ENAH: variants seen among roughly 807,000 people sequenced by gnomAD.
ENAH encodes ENAH actin regulator, also known as protein enabled homolog.
ENAH carries 23 observed loss-of-function variants against 78.7 expected under a neutral mutation model. The observed-to-expected ratio is 0.29, with a 90% confidence interval of 0.21 to 0.41. The LOEUF is 0.41. ENAH is among the 10% of genes least tolerant of loss of function. The probability of loss-of-function intolerance (pLI) is 1.00; values close to 1 mark genes in which losing one functional copy is unlikely to be tolerated. For synonymous variants in ENAH, 226 were observed against 241.0 expected (o/e 0.94, Z 0.58); for missense variants, 544 against 691.0 (o/e 0.79, Z 2.39).
chr1:225,518,929 T>C (rs1410125560), intron 5 of ENAH: 7 of 468,468 alleles, frequency 1.5e-5, no homozygotes, highest in Non-Finnish European at 2.2e-5. Flanking sequence ...ACTTACACTT[T>C]ATAGCCATTT....
chr1:225,596,904 T>G (rs1383517899), intron 1 of ENAH, among the ~76,000 whole-genome samples: 6 of 152,166 alleles, frequency 3.9e-5, no homozygotes, highest in African/African-American at 1.4e-4. Flanking sequence ...CAAATGAAAA[T>G]TAAAACATCT....
At position 225,487,405 on chromosome 1, in the gene ENAH, T is replaced by C. The variant is rs2096204982; in HGVS notation, c.*10370A>G. 3 of 152,204 alleles carry C rather than the reference T, an allele frequency of 2.0e-5. No homozygotes were observed. Among genetic ancestry groups the C allele is most frequent in the Non-Finnish European group, 1.5e-5 (1 of 68,040 alleles). The allele number at this position is 152,204 out of a possible 1,614,324, so 9.4% of individuals were successfully genotyped here. ...AAGCTTAGAAGATGTTTCCTGACAA[T>C]GAGATCCTGTTTAATTCAGATTTTC... On this transcript the variant is annotated 3_prime_UTR_variant, in exon 14 of 14. Coordinates refer to ENST00000366843, the MANE Select transcript of ENAH (RefSeq NM_018212.6).
intron 1 of ENAH, among the ~76,000 whole-genome samples, chr1:225,604,967 C>T (rs1256003559): frequency 6.6e-6 from 1 of 152,126 alleles, no homozygotes; most frequent in Non-Finnish European, 1.5e-5. Flanking sequence ...AAAGGGCATC[C>T]TCATACCTTG....
chr1:225,624,790 C>A (rs566029312), intron 1 of ENAH, among the ~76,000 whole-genome samples: 7 of 152,200 alleles, frequency 4.6e-5, no homozygotes, highest in Admixed American at 1.3e-4. Flanking sequence ...GATGAAGAAG[C>A]CCAGATTAAG....
At chr1:225,581,137 G>GA (rs1188124896) in intron 1 of ENAH, 58 of 360,712 alleles carry the variant, frequency 1.6e-4, no homozygotes, top group Admixed American at 1.0e-3. Flanking sequence ...AATGGTCACA[G>GA]AAAAAAAAGA....
At chr1:225,585,791 AAAT>A (rs1408558850) in intron 1 of ENAH, among the ~76,000 whole-genome samples, 4 of 152,010 alleles carry the variant, frequency 2.6e-5, no homozygotes, top group Non-Finnish European at 4.4e-5. Flanking sequence ...CCTGTGTAAA[AAAT>A]AATAATAAAT....
chr1:225,522,639 T>G (rs2096478627), intron 4 of ENAH, among the ~76,000 whole-genome samples: 2 of 152,136 alleles, frequency 1.3e-5, no homozygotes, highest in Admixed American at 1.3e-4. Context: ...CAGGGTTGGT[T>G]GTTGTTGTTT....
intron 1 of ENAH, among the ~76,000 whole-genome samples, chr1:225,592,039 C>T (rs2096879743): frequency 1.3e-5 from 2 of 152,116 alleles, no homozygotes; most frequent in Non-Finnish European, 1.5e-5. Flanking sequence ...CCTCATGGAT[C>T]TGTTGTGAGA....
At chr1:225,651,315 G>C (rs542478163) in intron 1 of ENAH, among the ~76,000 whole-genome samples, 1 of 151,320 alleles carries the variant, frequency 6.6e-6, no homozygotes, top group Admixed American at 6.6e-5. Flanking sequence ...CAAATTCACA[G>C]TAAGCCTAAG....
At chr1:225,639,705 A>AACACACACACACACACAC (rs374646635) in intron 1 of ENAH, among the ~76,000 whole-genome samples, 1 of 138,632 alleles carries the variant, frequency 7.2e-6, no homozygotes, top group South Asian at 2.3e-4. Flanking sequence ...GGCGGGATTA[A>AACACACACACACACACAC]ACACACACAC....
chr1:225,507,597 G>A (rs1187613250), intron 11 of ENAH, among the ~76,000 whole-genome samples: 2 of 152,080 alleles, frequency 1.3e-5, no homozygotes, highest in African/African-American at 4.8e-5. Flanking sequence ...GACAAGTGGG[G>A]CAAAATGTTG....
intron 4 of ENAH, among the ~76,000 whole-genome samples, chr1:225,522,962 A>G (rs946524537): frequency 1.3e-5 from 2 of 152,164 alleles, no homozygotes; most frequent in African/African-American, 2.4e-5. Context: ...TTTAAAGTTT[A>G]TAACAAAAAT....
Position 225,519,305 on chromosome 1 carries a change from CG to C in ENAH, c.694del (p.Arg232GlufsTer20). On this transcript the variant is annotated frameshift_variant, in exon 5 of 14. Transcript: ENST00000366843. LOFTEE classifies it high-confidence loss of function. ...CCGTTCCAGTCTCTCCAGCCTCTCT[CG>C]TTCTTGTCTTTCTTGCCTCTCCCGA... ...LDRERQERQERERLERLERER... is the reference protein window; with the variant it reads ...LDRERQERQEXERLERLERER... 1 of 1,613,868 alleles carries C rather than the reference CG, an allele frequency of 6.2e-7. No individual in the cohort carries two copies. Among genetic ancestry groups the C allele is most frequent in the Non-Finnish European group, 8.5e-7 (1 of 1,179,954 alleles).
At chr1:225,601,253 G>A (rs1471081425) in intron 1 of ENAH, among the ~76,000 whole-genome samples, 2 of 152,132 alleles carry the variant, frequency 1.3e-5, no homozygotes, top group African/African-American at 4.8e-5. Flanking sequence ...AGGCACGGTG[G>A]CTCACGCCTG....
chr1:225,602,975 CAAAA>C (rs993644021), intron 1 of ENAH, among the ~76,000 whole-genome samples: 1 of 144,406 alleles, frequency 6.9e-6, no homozygotes, highest in African/African-American at 2.5e-5. Flanking sequence ...AAATCAACCT[CAAAA>C]AAAAAAATAA....
At chr1:225,585,575 G>T (rs947295809) in intron 1 of ENAH, among the ~76,000 whole-genome samples, 2 of 152,058 alleles carry the variant, frequency 1.3e-5, no homozygotes, top group African/African-American at 4.8e-5. Flanking sequence ...ATCACCTGAG[G>T]TCGGGAGTTC....
chr1:225,567,795 C>T lies in ENAH; in HGVS notation c.6-381G>A, dbSNP rs538039425. 9.2e-4 allele frequency among the ~76,000 whole-genome samples: 140 copies of T among 152,116 alleles called. 3 individuals carry two copies. The highest frequency in any genetic ancestry group is 1.1e-3 in the Non-Finnish European group (74 of 68,018). On this transcript the variant is annotated intron_variant, in intron 1 of 13. Transcript: ENST00000366843. ...GGCAAAAACTGCAATTACTTTTGCA[C>T]CAACCTAATACAAGTGTAAATTAAT...
chr1:225,581,540 T>C (rs2096817790), intron 1 of ENAH, among the ~76,000 whole-genome samples: 1 of 152,054 alleles, frequency 6.6e-6, no homozygotes. Flanking sequence ...AAGTACCATA[T>C]GAGATCAAGA....
At chr1:225,642,209 G>GA (rs1238636547) in intron 1 of ENAH, among the ~76,000 whole-genome samples, 1,687 of 83,234 alleles carry the variant, frequency 0.02, 23 homozygotes, top group African/African-American at 0.062. Context: ...TCCATCTCAG[G>GA]AAAAAAAAAA....
Sources: gnomAD v4.1 joint callset for allele counts (sites outside exome capture counted in the v4.1 genomes callset) on GRCh38, gnomAD v4.1.1 for gene constraint, MANE v1.5 for transcripts, NCBI Gene and HGNC (gene_info 2026-07-23, HGNC 2026-07-21) for gene names.